PCDH15: variants seen among roughly 807,000 people sequenced by gnomAD.
The protein encoded by PCDH15 is protocadherin-15.
Under a neutral mutation model 178.5 loss-of-function variants are expected in PCDH15, and 129 were observed. The ratio of observed to expected loss-of-function variants is 0.72; its 90% confidence interval spans 0.63 to 0.84. The LOEUF (loss-of-function observed/expected upper bound fraction) is 0.84, where lower values mean the gene tolerates loss of function less well. Among genes scored for constraint, PCDH15 ranks in the 40% least tolerant of loss-of-function variants. The probability of loss-of-function intolerance (pLI) is 0.00; values close to 1 mark genes in which losing one functional copy is unlikely to be tolerated. For synonymous variants in PCDH15, 800 were observed against 732.0 expected, an observed-to-expected ratio of 1.09 and a Z score of -1.50; for missense variants, 2,230 against 2,099.9, an observed-to-expected ratio of 1.06 and a Z score of -1.21.
chr10:54,884,858 T>A (rs532746840), intron 3 of PCDH15, among the ~76,000 whole-genome samples: 137 of 152,236 alleles, frequency 9.0e-4, no homozygotes, highest in Middle Eastern at 3.4e-3. Flanking sequence ...TCCATTTCAA[T>A]GTTTTAAAAA....
chr10:54,144,920 A>G (rs190027752), intron 14 of PCDH15, among the ~76,000 whole-genome samples: 203 of 152,278 alleles, frequency 1.3e-3, no homozygotes, highest in African/African-American at 4.7e-3. Flanking sequence ...ACGTCCTACA[A>G]GAACAAATAT....
chr10:54,283,028 G>T (rs1564858749), intron 8 of PCDH15, among the ~76,000 whole-genome samples: 1 of 152,016 alleles, frequency 6.6e-6, no homozygotes, highest in African/African-American at 2.4e-5. Flanking sequence ...AAAGAGTAGG[G>T]ATATATAGAA....
At chr10:54,545,993 C>T (rs1478567485) in intron 2 of PCDH15, among the ~76,000 whole-genome samples, 1 of 152,148 alleles carries the variant, frequency 6.6e-6, no homozygotes, top group African/African-American at 2.4e-5. Context: ...AATCACTGGG[C>T]AGGAAGTGTA....
At chr10:55,228,887 C>A (rs549467542) in intron 1 of PCDH15, among the ~76,000 whole-genome samples, 1 of 151,704 alleles carries the variant, frequency 6.6e-6, no homozygotes, top group Non-Finnish European at 1.5e-5. Context: ...CATCACAATA[C>A]CTTAATAATT....
chr10:55,597,543 C>A (rs1241875007), intron 2 of PCDH15, among the ~76,000 whole-genome samples: 2 of 152,150 alleles, frequency 1.3e-5, no homozygotes, highest in Non-Finnish European at 2.9e-5. Flanking sequence ...CAAATAAAAT[C>A]TCCTATTTAT....
chr10:54,706,785 G>A (rs1418753757), intron 1 of PCDH15, among the ~76,000 whole-genome samples: 3 of 152,012 alleles, frequency 2.0e-5, no homozygotes, highest in South Asian at 2.1e-4. Flanking sequence ...CACCATGCCC[G>A]GCTATTTTTT....
At chr10:55,534,096 G>C (rs75939389) in intron 2 of PCDH15, among the ~76,000 whole-genome samples, 1 of 151,844 alleles carries the variant, frequency 6.6e-6, no homozygotes, top group African/African-American at 2.4e-5. Context: ...ATGGATTAAA[G>C]ATTTAAAGAC....
intron 2 of PCDH15, among the ~76,000 whole-genome samples, chr10:55,412,032 G>A (rs571062512): frequency 1.5e-3 from 222 of 152,146 alleles, no homozygotes; most frequent in African/African-American, 5.2e-3. Context: ...GTTTGAGACT[G>A]GAGGGGCTGG....
At chr10:54,015,627 A>G (rs2660138) in intron 20 of PCDH15, among the ~76,000 whole-genome samples, 116,118 of 152,026 alleles carry the variant, frequency 0.76, 44,618 homozygotes, top group Middle Eastern at 0.86. Context: ...GTACAACAAA[A>G]TAAATAAAAA....
chr10:54,275,641 A>C (rs74446159), intron 8 of PCDH15, among the ~76,000 whole-genome samples: 29,119 of 151,622 alleles, frequency 0.19, 2,897 homozygotes, highest in Admixed American at 0.22. Context: ...CCAAAATACT[A>C]AAAAAATGTG....
chr10:55,530,895 G>C (rs1841437700), intron 2 of PCDH15, among the ~76,000 whole-genome samples: 1 of 151,988 alleles, frequency 6.6e-6, no homozygotes, highest in South Asian at 2.1e-4. Flanking sequence ...TCAATAGTTT[G>C]TGTACAGTTA....
At chr10:54,148,335 T>C (rs1466084982) in intron 14 of PCDH15, among the ~76,000 whole-genome samples, 2 of 152,054 alleles carry the variant, frequency 1.3e-5, no homozygotes, top group African/African-American at 2.4e-5. Flanking sequence ...AATCTGCAGA[T>C]AATCAAGGCC....
chr10:54,499,155 C>A (rs900452494), intron 3 of PCDH15, among the ~76,000 whole-genome samples: 1 of 152,046 alleles, frequency 6.6e-6, no homozygotes, highest in African/African-American at 2.4e-5. Context: ...AACAATGGAG[C>A]ATCTAGATTA....
chr10:55,448,598 C>T (rs1248038654), intron 2 of PCDH15, among the ~76,000 whole-genome samples: 1 of 151,806 alleles, frequency 6.6e-6, no homozygotes, highest in Non-Finnish European at 1.5e-5. Flanking sequence ...TTATTGCAGA[C>T]ATCTGAATGG....
intron 2 of PCDH15, among the ~76,000 whole-genome samples, chr10:54,634,115 C>T (rs1320826454): frequency 6.6e-6 from 1 of 151,884 alleles, no homozygotes; most frequent in Admixed American, 6.6e-5. Context: ...TAGGAGCAAC[C>T]TTGATTCTTA....
chr10:54,769,321 CTTTT>C (rs35099531), intron 1 of PCDH15, among the ~76,000 whole-genome samples: 1 of 144,120 alleles, frequency 6.9e-6, no homozygotes, highest in Admixed American at 7.0e-5. Context: ...TACGCAATGC[CTTTT>C]TTTTTTTTTT....
intron 30 of PCDH15, among the ~76,000 whole-genome samples, chr10:53,830,649 A>C (rs2076961984): frequency 6.6e-6 from 1 of 152,080 alleles, no homozygotes; most frequent in African/African-American, 2.4e-5. Flanking sequence ...TTACTTGACT[A>C]CTCTAGATAA....
At chr10:54,574,139 T>G (rs1420101733) in intron 2 of PCDH15, among the ~76,000 whole-genome samples, 1 of 151,578 alleles carries the variant, frequency 6.6e-6, no homozygotes, top group Admixed American at 6.6e-5. Flanking sequence ...GGTTTTCTTC[T>G]AGGGTTTTTA....
intron 2 of PCDH15, among the ~76,000 whole-genome samples, chr10:55,092,371 T>C (rs1842339430): frequency 6.6e-6 from 1 of 151,878 alleles, no homozygotes; most frequent in African/African-American, 2.4e-5. Context: ...TAAGAGCAGC[T>C]TGTGAGACTT....
Sources: gnomAD v4.1 joint callset for allele counts (sites outside exome capture counted in the v4.1 genomes callset) on GRCh38, gnomAD v4.1.1 for gene constraint, MANE v1.5 for transcripts, NCBI Gene and HGNC (gene_info 2026-07-23, HGNC 2026-07-21) for gene names.